Variants in DNAAF1 observed in about 807,000 individuals in gnomAD.
The protein encoded by DNAAF1 is dynein assembly factor 1, axonemal.
DNAAF1 carries 65 observed loss-of-function variants against 71.1 expected under a neutral mutation model. The observed-to-expected ratio is 0.91, with a 90% CI of 0.75 to 1.12. The LOEUF (loss-of-function observed/expected upper bound fraction) is 1.12. Among genes scored for constraint, DNAAF1 ranks in the 50% most tolerant of loss-of-function variants. The pLI is 0.00. For synonymous variants in DNAAF1, 414 were observed against 354.6 expected (o/e 1.17, Z -1.88); for missense variants, 1,178 against 899.8 (o/e 1.31, Z -3.96).
chr16:84,169,679 C>CTTG (rs2088219129), intron 7 of DNAAF1, among the ~76,000 whole-genome samples, 180 bp from the exon 8 acceptor site: 1 of 152,146 alleles, frequency 6.6e-6, no homozygotes, highest in Admixed American at 6.5e-5. Context: ...CCTCGGCCTC[C>CTTG]CAAAGTGCTG....
intron 8 of DNAAF1, among the ~76,000 whole-genome samples, chr16:84,171,274 G>C (rs572955942): frequency 6.6e-6 from 1 of 151,994 alleles, no homozygotes; most frequent in Non-Finnish European, 1.5e-5. Context: ...CCCCTTCCCC[G>C]CAACCCCCAA....
chr16:84,153,980 C>T (rs921841389), intron 3 of DNAAF1, among the ~76,000 whole-genome samples: 1 of 152,056 alleles, frequency 6.6e-6, no homozygotes, highest in African/African-American at 2.4e-5. Flanking sequence ...CATCAAAGTT[C>T]GCCTTGCTTG....
chr16:84,171,545 G>C (rs1421687409), intron 8 of DNAAF1, among the ~76,000 whole-genome samples: 1 of 152,228 alleles, frequency 6.6e-6, no homozygotes, highest in African/African-American at 2.4e-5. Flanking sequence ...CGATCTCACA[G>C]TTATGAAACT....
At chr16:84,151,576 G>C (rs2087183056) in intron 3 of DNAAF1, among the ~76,000 whole-genome samples, 1 of 152,218 alleles carries the variant, frequency 6.6e-6, no homozygotes, top group South Asian at 2.1e-4. Context: ...AGCTGGGAGA[G>C]AGAGGTGCCC....
chr16:84,154,299 C>CGCAA (rs570590716), intron 3 of DNAAF1, among the ~76,000 whole-genome samples: 270 of 152,306 alleles, frequency 1.8e-3, no homozygotes, highest in African/African-American at 6.1e-3. Flanking sequence ...ATGGCACTTT[C>CGCAA]TTGCTGTATC....
Position 84,169,881 on chromosome 16 carries a change from T to A in DNAAF1, c.1053T>A (p.Asp351Glu), listed in dbSNP as rs765144722. 1 of 1,613,958 alleles carries A rather than the reference T, an allele frequency of 6.2e-7. No individual in the cohort carries two copies. The highest frequency in any genetic ancestry group is 2.2e-5 in the East Asian group (1 of 44,880). ...QERGEMTSSDDGENVPASAEG... is the reference protein window; with the variant it reads ...QERGEMTSSDEGENVPASAEG... ...TAGGGGAGATGACATCTTCAGATGA[T>A]GGTGAGAATGTGCCCGCCAGTGCGG... Residue 351 changes from aspartate (D) to glutamate (E), a missense_variant, in exon 8 of 12, where the codon GAT becomes GAA. Physicochemically the swap from Asp to Glu is conservative, Grantham distance 45 (BLOSUM62 2). Coordinates refer to ENST00000378553, the MANE Select transcript of DNAAF1 (RefSeq NM_178452.6).
chr16:84,148,954 AT>A, intron 1 of DNAAF1, 52 bp from the exon 2 acceptor site: 1 of 1,606,016 alleles, frequency 6.2e-7, no homozygotes. Flanking sequence ...AGTTGGGGGT[AT>A]TTTTTGGCAT....
rs760100662 is a variant in DNAAF1, at chr16:84,172,439, G to C, written c.1644+64G>C. 18 of 1,588,864 alleles carry C rather than the reference G, an allele frequency of 1.1e-5. No homozygotes were observed. In the Admixed American group the frequency reaches 2.7e-4, roughly 24 times the overall value. The stretch of plus-strand genomic sequence containing the variant: ...TTACTGTTAGTAAAATAGGTAATCA[G>C]ATGCAGACTTTGGAGACCCTCGATA... On this transcript the variant is annotated intron_variant, in intron 9 of 11. Coordinates refer to ENST00000378553, the MANE Select transcript of DNAAF1 (RefSeq NM_178452.6).
chr16:84,165,691 T>G (rs1292025380), intron 6 of DNAAF1, 92 bp from the exon 7 acceptor site: 1 of 1,252,504 alleles, frequency 8.0e-7, no homozygotes, highest in African/African-American at 1.5e-5. Context: ...ATGCTCACTT[T>G]GCTTTGATTT....
chr16:84,151,310 T>C (rs1213831160), intron 3 of DNAAF1, among the ~76,000 whole-genome samples: 1 of 152,112 alleles, frequency 6.6e-6, no homozygotes, highest in Non-Finnish European at 1.5e-5. Context: ...GGAGCAGCTA[T>C]TATGAGGACG....
intron 5 of DNAAF1, 50 bp downstream of exon 5, chr16:84,155,799 C>G: frequency 6.2e-7 from 1 of 1,601,578 alleles, no homozygotes; most frequent in African/African-American, 1.3e-5. Flanking sequence ...GAAACCGCTT[C>G]TATTATTTTC....
chr16:84,173,602 G>C (rs970593788), intron 9 of DNAAF1: 2 of 898,720 alleles, frequency 2.2e-6, no homozygotes, highest in African/African-American at 1.8e-5. Flanking sequence ...GGGAGGCCAA[G>C]GTGGGTGGAT....
chr16:84,154,972 G>A (rs532889991), intron 4 of DNAAF1, among the ~76,000 whole-genome samples, 174 bp downstream of exon 4: 6 of 150,282 alleles, frequency 4.0e-5, no homozygotes, highest in South Asian at 2.1e-4. Context: ...GCAGTGGCGC[G>A]ATCTCAGCTC....
intron 9 of DNAAF1, chr16:84,173,350 G>C (rs2088471274): frequency 3.2e-6 from 2 of 623,470 alleles, no homozygotes; most frequent in Non-Finnish European, 4.0e-6. Flanking sequence ...TGTAGTCCCA[G>C]CTACTTGGGA....
At chr16:84,151,188 A>G (rs887965790) in intron 3 of DNAAF1, among the ~76,000 whole-genome samples, 3 of 151,932 alleles carry the variant, frequency 2.0e-5, no homozygotes, top group African/African-American at 7.3e-5. Flanking sequence ...CTCATTGTTC[A>G]TTTGTCTCTT....
intron 5 of DNAAF1, among the ~76,000 whole-genome samples, chr16:84,156,336 C>G (rs1458641594): frequency 6.6e-6 from 1 of 152,246 alleles, no homozygotes; most frequent in East Asian, 1.9e-4. Flanking sequence ...TAGCTGATTG[C>G]ATCCTTGTGG....
Position 84,159,809 on chromosome 16 carries a change from A to G in DNAAF1, c.863+13A>G, listed in dbSNP as rs112775337. On this transcript the variant is annotated intron_variant, in intron 6 of 11. Coordinates refer to ENST00000378553, the MANE Select transcript of DNAAF1 (RefSeq NM_178452.6). ...TTCCAAAGGACAGGTAAGAAGAGAAAAGCCTTCTGATCACATTTTAATATT... is the reference window on the plus strand; with the variant it reads ...TTCCAAAGGACAGGTAAGAAGAGAAGAGCCTTCTGATCACATTTTAATATT... 47 of 1,613,286 alleles carry G rather than the reference A, an allele frequency of 2.9e-5. No individual in the cohort carries two copies. The African/African-American group carries it at 3.9e-4, about 13-fold the overall frequency.
chr16:84,170,588 C>A (rs2088278465), intron 8 of DNAAF1, among the ~76,000 whole-genome samples: 1 of 152,116 alleles, frequency 6.6e-6, no homozygotes, highest in Non-Finnish European at 1.5e-5. Context: ...GCAAAAGGAA[C>A]TTTGGGAGGC....
intron 3 of DNAAF1, among the ~76,000 whole-genome samples, chr16:84,154,373 T>A (rs2087316126): frequency 6.6e-6 from 1 of 152,100 alleles, no homozygotes; most frequent in Non-Finnish European, 1.5e-5. Context: ...CTAATCCCAT[T>A]CCTGAGGGTT....
Sources: allele counts gnomAD v4.1 joint callset (sites outside exome capture counted in the v4.1 genomes callset), GRCh38; gene constraint gnomAD v4.1.1; transcripts MANE v1.5; gene names NCBI Gene and HGNC (gene_info 2026-07-23, HGNC 2026-07-21).